OPCML: variants seen among roughly 807,000 people sequenced by gnomAD.
OPCML encodes the protein opioid-binding protein/cell adhesion molecule.
Under a neutral mutation model 37.8 loss-of-function variants are expected in OPCML, and 13 were observed. The observed-to-expected ratio is 0.34, with a 90% CI of 0.22 to 0.55. OPCML has a LOEUF of 0.55. OPCML is among the 20% of genes least tolerant of loss of function. The pLI, the probability that OPCML is intolerant of heterozygous loss-of-function variation, is 0.91. For synonymous variants in OPCML, 176 were observed against 168.8 expected (o/e 1.04, Z -0.33); for missense variants, 341 against 435.6 (o/e 0.78, Z 1.93).
At chr11:133,003,665 C>A (rs1402803655) in intron 1 of OPCML, 5 of 985,314 alleles carry the variant, frequency 5.1e-6, no homozygotes, top group Non-Finnish European at 4.8e-6. Flanking sequence ...ACTAAAAAAA[C>A]AAACAAAATA....
chr11:133,059,940 A>C (rs1948309430), intron 1 of OPCML, among the ~76,000 whole-genome samples: 1 of 152,174 alleles, frequency 6.6e-6, no homozygotes, highest in African/African-American at 2.4e-5. Flanking sequence ...GGAAAACTTT[A>C]ATCAGCTACT....
At chr11:132,741,496 G>C (rs1055622246) in intron 2 of OPCML, among the ~76,000 whole-genome samples, 2 of 152,024 alleles carry the variant, frequency 1.3e-5, no homozygotes, top group African/African-American at 4.8e-5. Context: ...TTCCACAAAA[G>C]GATAGTTGTT....
At chr11:133,392,227 G>T (rs1203939994) in intron 1 of OPCML, among the ~76,000 whole-genome samples, 1 of 152,144 alleles carries the variant, frequency 6.6e-6, no homozygotes, top group Non-Finnish European at 1.5e-5. Context: ...TCATTTTACA[G>T]CTAAGGAATC....
At position 132,418,611 on chromosome 11, in the gene OPCML, A is replaced by G. The variant is rs955683663; in HGVS notation, c.*1582T>C. 3 of 152,622 alleles carry G rather than the reference A, an allele frequency of 2.0e-5. No individual in the cohort carries two copies. Among genetic ancestry groups the G allele is most frequent in the African/African-American group, 7.2e-5 (3 of 41,456 alleles). The allele number at this position is 152,622 out of a possible 1,614,324, so 9.5% of individuals were successfully genotyped here. A position where few individuals can be genotyped will look rare whatever the true frequency, so the allele number is the denominator to read the frequency against. The stretch of plus-strand genomic sequence containing the variant: ...AGAAGAGCTTCCTGAAACAAATACC[A>G]GAGTTGTCAATACACCCGCCATGTA... On this transcript the variant is annotated 3_prime_UTR_variant, in exon 8 of 8. Coordinates refer to ENST00000524381, the MANE Select transcript of OPCML (RefSeq NM_001012393.5).
intron 2 of OPCML, among the ~76,000 whole-genome samples, chr11:132,684,213 C>A (rs956168061): frequency 2.0e-5 from 3 of 152,116 alleles, no homozygotes; most frequent in African/African-American, 7.2e-5. Context: ...AAGTTAGCTC[C>A]TGCTATACTA....
chr11:133,266,167 T>C (rs1279238313), intron 1 of OPCML, among the ~76,000 whole-genome samples: 3 of 152,152 alleles, frequency 2.0e-5, no homozygotes, highest in Admixed American at 2.0e-4. Context: ...GCAATATAAG[T>C]CTTTATGCAA....
chr11:132,491,932 T>A (rs2137073398), intron 4 of OPCML, among the ~76,000 whole-genome samples: 1 of 151,106 alleles, frequency 6.6e-6, no homozygotes, highest in East Asian at 2.0e-4. Flanking sequence ...TAATTTTTTT[T>A]TTTTTTTTTT....
At chr11:132,933,770 A>G (rs2136640774) in intron 2 of OPCML, among the ~76,000 whole-genome samples, 1 of 152,320 alleles carries the variant, frequency 6.6e-6, no homozygotes, top group South Asian at 2.1e-4. Context: ...GAAGCAATAA[A>G]AATGACAATT....
intron 1 of OPCML, among the ~76,000 whole-genome samples, chr11:133,526,269 G>A (rs1376752560): frequency 6.6e-6 from 1 of 152,224 alleles, no homozygotes. Flanking sequence ...TGCCATGTGT[G>A]CCCACAGGGA....
chr11:133,106,147 C>T (rs143005655), intron 1 of OPCML, among the ~76,000 whole-genome samples: 1,873 of 152,264 alleles, frequency 0.012, 28 homozygotes, highest in Non-Finnish European at 0.019. Context: ...CTAACAGTTG[C>T]TCCAATTGCT....
rs187332344 is a variant in OPCML at position 133,206,408 on chromosome 11, T to C, written c.62-263398A>G. 1.2e-4 allele frequency among the ~76,000 whole-genome samples: 18 copies of C among 152,320 alleles called. No homozygotes were observed. Among genetic ancestry groups the C allele is most frequent in the Non-Finnish European group, 2.2e-4 (15 of 68,026 alleles). On this transcript the variant is annotated intron_variant, in intron 1 of 7. Coordinates refer to ENST00000524381, the MANE Select transcript of OPCML (RefSeq NM_001012393.5). This position sits in a 1 kb window ranked among gnomAD's most constrained non-coding sequence, Gnocchi z 4.7. ...TGCATAACTTCTGGAGTCCTCAGTT[T>C]CCTGAGCTATGAAATATAAAAACTA...
intron 3 of OPCML, among the ~76,000 whole-genome samples, chr11:132,577,053 G>T (rs2137603932): frequency 6.6e-6 from 1 of 152,310 alleles, no homozygotes; most frequent in South Asian, 2.1e-4. Context: ...AAGGCCCTGT[G>T]TCAGGTACAG....
chr11:132,801,689 G>A (rs192207510), intron 2 of OPCML, among the ~76,000 whole-genome samples: 1 of 152,230 alleles, frequency 6.6e-6, no homozygotes, highest in African/African-American at 2.4e-5. Context: ...ATTTTATCTT[G>A]AGCTTTTCCA....
intron 4 of OPCML, among the ~76,000 whole-genome samples, chr11:132,514,818 A>C (rs2096276286): frequency 6.6e-6 from 1 of 152,142 alleles, no homozygotes; most frequent in Admixed American, 6.6e-5. Context: ...GGTTCCAAAC[A>C]TCTTGCTGTC....
At chr11:133,132,640 T>A in intron 1 of OPCML, among the ~76,000 whole-genome samples, 1 of 152,192 alleles carries the variant, frequency 6.6e-6, no homozygotes, top group African/African-American at 2.4e-5. Context: ...AACCAAACTG[T>A]GGTGCACCGA....
At chr11:133,314,201 C>G (rs1452525452) in intron 1 of OPCML, among the ~76,000 whole-genome samples, 2 of 130,120 alleles carry the variant, frequency 1.5e-5, no homozygotes, top group Non-Finnish European at 3.1e-5. Flanking sequence ...CGCCACTGCA[C>G]TCCAGCCTGG....
chr11:132,550,521 A>G (rs1047286732), intron 3 of OPCML, among the ~76,000 whole-genome samples: 3 of 152,162 alleles, frequency 2.0e-5, no homozygotes, highest in Non-Finnish European at 2.9e-5. Flanking sequence ...AAAGCAAGCA[A>G]TGTCAATGCC....
At chr11:133,248,204 G>C (rs1941013451) in intron 1 of OPCML, among the ~76,000 whole-genome samples, 1 of 152,222 alleles carries the variant, frequency 6.6e-6, no homozygotes, top group Non-Finnish European at 1.5e-5. Context: ...TTGTAAAGAT[G>C]TAAAGATTTG....
At chr11:132,882,809 G>A (rs1030439485) in intron 2 of OPCML, among the ~76,000 whole-genome samples, 1 of 152,132 alleles carries the variant, frequency 6.6e-6, no homozygotes, top group African/African-American at 2.4e-5. Context: ...AGATTGCATA[G>A]GCCATAAGAG....
Sources: gnomAD v4.1 joint callset for allele counts (sites outside exome capture counted in the v4.1 genomes callset) on GRCh38, gnomAD v4.1.1 for gene constraint, Gnocchi (gnomAD v3.1) non-coding constraint, MANE v1.5 for transcripts, NCBI Gene and HGNC (gene_info 2026-07-23, HGNC 2026-07-21) for gene names.